Variants in HS2ST1 observed in about 807,000 individuals in gnomAD.
HS2ST1 encodes heparan sulfate 2-O-sulfotransferase 1, also known as 2-O-sulfotransferase.
A neutral mutation model predicts 42.9 loss-of-function variants in HS2ST1; 18 were observed. The observed-to-expected ratio is 0.42, with a 90% confidence interval of 0.29 to 0.62. HS2ST1 has a LOEUF of 0.62. Ranked by LOEUF, HS2ST1 falls within the 20% of genes least tolerant of loss-of-function variation. The pLI, the probability that HS2ST1 is intolerant of heterozygous loss-of-function variation, is 0.21. For missense variants in HS2ST1, 334 were observed against 433.8 expected, an observed-to-expected ratio of 0.77 and a Z score of 2.04; for synonymous variants, 146 against 152.9, an observed-to-expected ratio of 0.95 and a Z score of 0.33.
At chr1:86,921,065 A>G (rs1660282265) in intron 1 of HS2ST1, among the ~76,000 whole-genome samples, 1 of 151,434 alleles carries the variant, frequency 6.6e-6, no homozygotes. Flanking sequence ...TACATGATAA[A>G]TATATACAGT....
At chr1:87,046,590 T>G in intron 1 of HS2ST1, 1 of 1,577,880 alleles carries the variant, frequency 6.3e-7, no homozygotes, top group Non-Finnish European at 8.7e-7. Context: ...AAACCTCCAG[T>G]TCTGTTGGAC....
intron 1 of HS2ST1, among the ~76,000 whole-genome samples, chr1:86,983,970 G>A (rs1648678886): frequency 6.6e-6 from 1 of 151,612 alleles, no homozygotes; most frequent in African/African-American, 2.4e-5. Context: ...AACCCAGGAG[G>A]CAAAGGTTGT....
chr1:87,033,360 G>C (rs1438648474), intron 1 of HS2ST1, among the ~76,000 whole-genome samples: 2 of 152,156 alleles, frequency 1.3e-5, no homozygotes, highest in African/African-American at 4.8e-5. Context: ...AGGAATCTTT[G>C]CTAGAAAGAA....
At chr1:87,067,850 T>G (rs1414540492) in intron 1 of HS2ST1, among the ~76,000 whole-genome samples, 1 of 152,194 alleles carries the variant, frequency 6.6e-6, no homozygotes, top group Non-Finnish European at 1.5e-5. Context: ...CTTGTTTTTG[T>G]CAGGTTTGTC....
At chr1:86,969,646 T>G (rs1169027294) in intron 1 of HS2ST1, among the ~76,000 whole-genome samples, 1 of 152,032 alleles carries the variant, frequency 6.6e-6, no homozygotes, top group Non-Finnish European at 1.5e-5. Flanking sequence ...GAGTTGGCTT[T>G]TTACTTCTAG....
intron 1 of HS2ST1, among the ~76,000 whole-genome samples, chr1:87,026,578 G>A (rs902203048): frequency 6.6e-6 from 1 of 152,098 alleles, no homozygotes; most frequent in Admixed American, 6.6e-5. Flanking sequence ...TAAAAAACGG[G>A]ATATATTGGC....
intron 5 of HS2ST1, among the ~76,000 whole-genome samples, chr1:87,102,753 T>C (rs1652247138): frequency 6.6e-6 from 1 of 152,170 alleles, no homozygotes; most frequent in East Asian, 1.9e-4. Flanking sequence ...CCTCCCCCTC[T>C]TTGTTTTTTT....
At chr1:86,970,456 A>C (rs1296367861) in intron 1 of HS2ST1, among the ~76,000 whole-genome samples, 1 of 152,240 alleles carries the variant, frequency 6.6e-6, no homozygotes, top group African/African-American at 2.4e-5. Context: ...GCTGGAGTGC[A>C]GTGGCATGAT....
At chr1:86,942,516 CAT>C (rs1224153106) in intron 1 of HS2ST1, among the ~76,000 whole-genome samples, 2 of 152,106 alleles carry the variant, frequency 1.3e-5, no homozygotes, top group Non-Finnish European at 2.9e-5. Flanking sequence ...GAATAGAGAA[CAT>C]AAACATTTTT....
At position 87,107,027 on chromosome 1, in the gene HS2ST1, A is replaced by AGAC. The variant is rs1652340702; in HGVS notation, c.*2332_*2334dup. ...GCCATTTTACCACAAAAGCAGCAAT[A>AGAC]GACATTATGTAAACAAATGAGCACA... On this transcript the variant is annotated 3_prime_UTR_variant, in exon 7 of 7. Coordinates refer to ENST00000370550, the MANE Select transcript of HS2ST1 (RefSeq NM_012262.4). 1 of 152,100 alleles carries AGAC rather than the reference A, an allele frequency of 6.6e-6. No individual in the cohort carries two copies. The highest frequency in any genetic ancestry group is 1.5e-5 in the Non-Finnish European group (1 of 67,936). The allele number at this position is 152,100 out of a possible 1,614,324, so 9.4% of individuals were successfully genotyped here. A position where few individuals can be genotyped will look rare whatever the true frequency, so the allele number is the denominator to read the frequency against.
At chr1:87,038,055 G>GT (rs1239673055) in intron 1 of HS2ST1, among the ~76,000 whole-genome samples, 2 of 151,980 alleles carry the variant, frequency 1.3e-5, no homozygotes, top group Non-Finnish European at 2.9e-5. Context: ...TTAACCAATA[G>GT]TTTTTTAGTC....
chr1:87,028,726 A>T (rs899873225), intron 1 of HS2ST1, among the ~76,000 whole-genome samples: 1 of 152,254 alleles, frequency 6.6e-6, no homozygotes, highest in Non-Finnish European at 1.5e-5. Context: ...TCCTAAAGGA[A>T]TTTCTAAAGA....
chr1:87,049,932 A>G (rs1311465755), intron 1 of HS2ST1, among the ~76,000 whole-genome samples: 2 of 152,030 alleles, frequency 1.3e-5, no homozygotes, highest in Non-Finnish European at 2.9e-5. Context: ...TCTCTTATAA[A>G]GGTACAAAAT....
chr1:87,077,988 GT>G (rs1651586992), intron 2 of HS2ST1, among the ~76,000 whole-genome samples: 1 of 152,118 alleles, frequency 6.6e-6, no homozygotes, highest in African/African-American at 2.4e-5. Context: ...CCACTACTTT[GT>G]TTTCCTGTGA....
chr1:87,037,578 A>C (rs1351362213), intron 1 of HS2ST1, among the ~76,000 whole-genome samples: 1 of 151,498 alleles, frequency 6.6e-6, no homozygotes, highest in Non-Finnish European at 1.5e-5. Flanking sequence ...TAAAAATAGA[A>C]TATTTCAAAT....
At chr1:87,035,996 C>G (rs760451141) in intron 1 of HS2ST1, among the ~76,000 whole-genome samples, 1 of 151,496 alleles carries the variant, frequency 6.6e-6, no homozygotes, top group Admixed American at 6.6e-5. Flanking sequence ...TGACAGGCCC[C>G]GATGTGTGAT....
chr1:87,096,954 C>A (rs1652082971), intron 4 of HS2ST1, among the ~76,000 whole-genome samples: 1 of 152,160 alleles, frequency 6.6e-6, no homozygotes, highest in Non-Finnish European at 1.5e-5. Flanking sequence ...ATAATAAAAC[C>A]ACTTTTTAGA....
intron 1 of HS2ST1, among the ~76,000 whole-genome samples, chr1:87,007,318 ATTTATC>A (rs892651263): frequency 1.7e-4 from 26 of 152,158 alleles, no homozygotes; most frequent in African/African-American, 5.5e-4. Context: ...TGCATTTTCT[ATTTATC>A]TTTATATTTT....
chr1:86,957,199 G>T (rs1039113373), intron 1 of HS2ST1, among the ~76,000 whole-genome samples: 2 of 152,118 alleles, frequency 1.3e-5, no homozygotes, highest in Non-Finnish European at 2.9e-5. Context: ...ATTTTAAAGA[G>T]CAAGGATAAA....
Sources: allele counts gnomAD v4.1 joint callset (sites outside exome capture counted in the v4.1 genomes callset), GRCh38; gene constraint gnomAD v4.1.1; transcripts MANE v1.5; gene names NCBI Gene and HGNC (gene_info 2026-07-23, HGNC 2026-07-21).